EPB41L1: variants seen among roughly 807,000 people sequenced by gnomAD.
The protein encoded by EPB41L1 is band 4.1-like protein 1.
In EPB41L1, 29 loss-of-function variants were observed where a neutral mutation model predicts 97.8. The observed-to-expected ratio is 0.30, with a 90% CI of 0.22 to 0.40. The LOEUF is 0.40. Ranked by LOEUF, EPB41L1 falls within the 10% of genes least tolerant of loss-of-function variation. The pLI, the probability that EPB41L1 is intolerant of heterozygous loss-of-function variation, is 1.00. For missense variants in EPB41L1, 812 were observed against 1,162.3 expected, an observed-to-expected ratio of 0.70 and a Z score of 4.38; for synonymous variants, 383 against 459.2, an observed-to-expected ratio of 0.83 and a Z score of 2.12.
intron 14 of EPB41L1, among the ~76,000 whole-genome samples, chr20:36,208,722 C>A (rs1356322066): frequency 2.6e-5 from 4 of 152,170 alleles, no homozygotes; most frequent in Admixed American, 2.6e-4. Flanking sequence ...GGTGTTTAAT[C>A]CCTGACAGGC....
intron 2 of EPB41L1, among the ~76,000 whole-genome samples, chr20:36,120,404 G>T (rs1600402634): frequency 6.6e-6 from 1 of 152,208 alleles, no homozygotes; most frequent in South Asian, 2.1e-4. Context: ...GACTGAGTGA[G>T]CAAAGAGGGA....
intron 6 of EPB41L1, among the ~76,000 whole-genome samples, chr20:36,184,201 C>G (rs766919035): frequency 7.2e-5 from 11 of 151,794 alleles, no homozygotes; most frequent in Non-Finnish European, 1.5e-4. Flanking sequence ...TGCCACTGCA[C>G]TCCAGCCTGG....
At chr20:36,130,468 C>T (rs898848955) in intron 2 of EPB41L1, among the ~76,000 whole-genome samples, 5 of 152,260 alleles carry the variant, frequency 3.3e-5, no homozygotes, top group East Asian at 1.9e-4. Context: ...CCTTCCGTGT[C>T]GTTACTGAGG....
rs1235486061 is a variant in EPB41L1, at chr20:36,206,883, T to A, written c.1669-2605T>A. On this transcript the variant is annotated intron_variant, in intron 14 of 21. Coordinates refer to ENST00000338074, the MANE Select transcript of EPB41L1 (RefSeq NM_012156.2). This position sits in a 1 kb window ranked among gnomAD's most constrained non-coding sequence, Gnocchi z 5.5. Reference sequence around the variant, plus strand: ...CAGAGGAACTGAAGAAGCACCCTCCTCACAGAGGACAGGGCGTGCATCCCG... The same window carrying A: ...CAGAGGAACTGAAGAAGCACCCTCCACACAGAGGACAGGGCGTGCATCCCG... The A allele has an allele frequency of 7.8e-7, 1 of 1,289,860 alleles. No individual in the cohort carries two copies. Among genetic ancestry groups the A allele is most frequent in the East Asian group, 5.6e-5 (1 of 18,018 alleles). 79.9% of individuals were successfully genotyped at this position (1,289,860 alleles called of 1,614,324 possible).
At chr20:36,099,507 A>G (rs2057941026) in intron 1 of EPB41L1, among the ~76,000 whole-genome samples, 1 of 152,158 alleles carries the variant, frequency 6.6e-6, no homozygotes, top group Admixed American at 6.5e-5. Context: ...AATAATAATC[A>G]TCATAATAAC....
chr20:36,188,260 G>A (rs1600826715), intron 8 of EPB41L1, 87 bp from the exon 9 acceptor site: 18 of 1,574,498 alleles, frequency 1.1e-5, no homozygotes, highest in East Asian at 6.7e-5. Flanking sequence ...TACAAGCAGC[G>A]CACAGGGCAG....
chr20:36,178,357 T>C (rs2061336092), intron 4 of EPB41L1, among the ~76,000 whole-genome samples: 3 of 152,190 alleles, frequency 2.0e-5, no homozygotes, highest in African/African-American at 7.2e-5. Context: ...AGTTTCCTTC[T>C]TCCTGCCAGT....
At chr20:36,136,202 T>G (rs2059408661) in intron 2 of EPB41L1, among the ~76,000 whole-genome samples, 1 of 152,080 alleles carries the variant, frequency 6.6e-6, no homozygotes, top group Non-Finnish European at 1.5e-5. Flanking sequence ...GGAGGGTCTC[T>G]CTCTGTTGCC....
At chr20:36,201,758 AGGCC>A (rs2062509797) in intron 14 of EPB41L1, among the ~76,000 whole-genome samples, 1 of 152,164 alleles carries the variant, frequency 6.6e-6, no homozygotes, top group Non-Finnish European at 1.5e-5. Flanking sequence ...CATAGAATCC[AGGCC>A]CAGGCAGGAG....
intron 2 of EPB41L1, among the ~76,000 whole-genome samples, chr20:36,138,820 G>C (rs2059521014): frequency 6.6e-6 from 1 of 152,106 alleles, no homozygotes; most frequent in Non-Finnish European, 1.5e-5. Flanking sequence ...ATTGTGACAT[G>C]CTGCCTCCCA....
At chr20:36,222,580 G>A (rs2063848742) in intron 21 of EPB41L1, among the ~76,000 whole-genome samples, 186 bp downstream of exon 21, 1 of 152,092 alleles carries the variant, frequency 6.6e-6, no homozygotes. Flanking sequence ...AAGTCGGTGG[G>A]GAGAAGAAGG....
Position 36,229,316 on chromosome 20 carries a change from T to G in EPB41L1, c.2638-16T>G. ...ACTCCCCACCCCCCATTCTACCCCA[T>G]GCCTCTGGCTTCCAGGAATCCTGAC... On this transcript the variant is annotated splice_polypyrimidine_tract_variant and intron_variant, in intron 21 of 21. Coordinates refer to ENST00000338074, the MANE Select transcript of EPB41L1 (RefSeq NM_012156.2). 1 of 1,063,044 alleles carries G rather than the reference T, an allele frequency of 9.4e-7. No individual in the cohort carries two copies. The highest frequency in any genetic ancestry group is 1.4e-6 in the Non-Finnish European group (1 of 728,156). 65.9% of individuals were successfully genotyped at this position (1,063,044 alleles called of 1,614,324 possible).
chr20:36,165,208 C>G (rs2060689811), intron 1 of EPB41L1, among the ~76,000 whole-genome samples: 1 of 151,914 alleles, frequency 6.6e-6, no homozygotes, highest in Non-Finnish European at 1.5e-5. Flanking sequence ...TCTTGAACTC[C>G]TGGCCTCAAG....
In EPB41L1 at chr20:36,203,870, A is replaced by T. The variant is rs374771589; in HGVS notation, c.1669-5618A>T. Among the ~76,000 whole-genome samples the T allele has an allele frequency of 1.2e-4, 19 of 152,342 alleles. No individual in the cohort carries two copies. The East Asian group carries it at 3.7e-3, about 29-fold the overall frequency. On this transcript the variant is annotated intron_variant, in intron 14 of 21. Coordinates refer to ENST00000338074, the MANE Select transcript of EPB41L1 (RefSeq NM_012156.2). Reference sequence around the variant, plus strand: ...AAAACACAGTGGGGACAGAGGGTTTATGATGCTCTCTTGAGCCTTCAAAAT... The same window carrying T: ...AAAACACAGTGGGGACAGAGGGTTTTTGATGCTCTCTTGAGCCTTCAAAAT...
chr20:36,141,904 T>C (rs1249707420), intron 2 of EPB41L1, among the ~76,000 whole-genome samples: 1 of 152,118 alleles, frequency 6.6e-6, no homozygotes, highest in Non-Finnish European at 1.5e-5. Flanking sequence ...GGTCAGGAGT[T>C]CGAGACCAGC....
At chr20:36,229,263 T>C in intron 21 of EPB41L1, 69 bp from the exon 22 acceptor site, 1 of 1,346,354 alleles carries the variant, frequency 7.4e-7, no homozygotes, top group Non-Finnish European at 1.1e-6. Context: ...TTACTAATTT[T>C]TCTTGTCCTC....
intron 2 of EPB41L1, among the ~76,000 whole-genome samples, chr20:36,124,060 A>G (rs1486100515): frequency 6.6e-6 from 1 of 152,104 alleles, no homozygotes; most frequent in Non-Finnish European, 1.5e-5. Context: ...CATCCTGGCT[A>G]ACATGGTGAA....
chr20:36,154,408 G>T (rs2060185596), upstream of EPB41L1, among the ~76,000 whole-genome samples: 1 of 151,834 alleles, frequency 6.6e-6, no homozygotes, highest in African/African-American at 2.4e-5. The surrounding 1 kb of genome is among the most constrained non-coding windows in gnomAD (Gnocchi z 5.5). Flanking sequence ...CAGCCGGGGC[G>T]CTCGAGAGGC....
intron 1 of EPB41L1, among the ~76,000 whole-genome samples, chr20:36,105,792 A>T (rs2058170512): frequency 1.3e-5 from 2 of 152,102 alleles, no homozygotes; most frequent in African/African-American, 4.8e-5. Context: ...GTTAATTGTT[A>T]AACCTAATAG....
Sources: allele counts gnomAD v4.1 joint callset (sites outside exome capture counted in the v4.1 genomes callset), GRCh38; gene constraint gnomAD v4.1.1; non-coding constraint Gnocchi (gnomAD v3.1); transcripts MANE v1.5; gene names NCBI Gene and HGNC (gene_info 2026-07-23, HGNC 2026-07-21).